TYRO3: variants seen among roughly 807,000 people sequenced by gnomAD.
The protein encoded by TYRO3 is tyrosine-protein kinase receptor TYRO3.
TYRO3 carries 38 observed loss-of-function variants against 95.2 expected under a neutral mutation model. The observed-to-expected ratio is 0.40, with a 90% CI of 0.31 to 0.52. The LOEUF (loss-of-function observed/expected upper bound fraction) is 0.52, where lower values mean the gene tolerates loss of function less well. Among genes scored for constraint, TYRO3 ranks in the 20% least tolerant of loss-of-function variants. TYRO3 has a pLI of 0.56. For missense variants in TYRO3, 812 were observed against 1,116.4 expected, an observed-to-expected ratio of 0.73 and a Z score of 3.89; for synonymous variants, 367 against 432.9, an observed-to-expected ratio of 0.85 and a Z score of 1.89.
At position 41,570,776 on chromosome 15, in the gene TYRO3, G is replaced by A. The variant is rs766330823; in HGVS notation, c.1579+77G>A. On this transcript the variant is annotated intron_variant, in intron 12 of 18. Coordinates refer to ENST00000263798, the MANE Select transcript of TYRO3 (RefSeq NM_006293.4). ...TGTTTGGTTGCCCCTGTCACTTTGA[G>A]GCTGTGGGTTTGGGTCGGTTGCCGT... 1,407 of 1,440,798 alleles carry A rather than the reference G, an allele frequency of 9.8e-4. No homozygotes were observed. The highest frequency in any genetic ancestry group is 1.2e-3 in the Non-Finnish European group (1,249 of 1,024,758). 89.3% of individuals were successfully genotyped at this position (1,440,798 alleles called of 1,614,324 possible). A position where few individuals can be genotyped will look rare whatever the true frequency, so the allele number is the denominator to read the frequency against.
intron 12 of TYRO3, 38 bp downstream of exon 12, chr15:41,570,737 G>T (rs765219627): frequency 7.4e-7 from 1 of 1,351,468 alleles, no homozygotes; most frequent in Non-Finnish European, 1.1e-6. Flanking sequence ...TGGCTGGTTT[G>T]CTGTAGCTGG....
chr15:41,566,382 C>T lies in TYRO3; in HGVS notation c.784-978C>T, dbSNP rs113239018. Among the ~76,000 whole-genome samples the T allele has an allele frequency of 2.0e-3, 306 of 151,620 alleles. 1 individual carries two copies. Among genetic ancestry groups the T allele is most frequent in the African/African-American group, 6.7e-3 (275 of 41,296 alleles). ...CTACTCTGGCCCTCCTTTGGCCACA[C>T]CCCTTTCCCCGGGGCAAAGAGCCTA... On this transcript the variant is annotated intron_variant, in intron 6 of 18. Coordinates refer to ENST00000263798, the MANE Select transcript of TYRO3 (RefSeq NM_006293.4).
intron 12 of TYRO3, 126 bp from the exon 13 acceptor site, chr15:41,570,912 G>C: frequency 9.0e-7 from 1 of 1,105,476 alleles, no homozygotes; most frequent in Non-Finnish European, 1.4e-6. Flanking sequence ...TTGGCTACTG[G>C]CAAGGGTGCC....
intron 3 of TYRO3, chr15:41,561,909 G>A: frequency 5.8e-6 from 2 of 343,152 alleles, no homozygotes; most frequent in South Asian, 2.8e-5. Flanking sequence ...GCATCCATCT[G>A]GGACTGGACC....
chr15:41,572,343 C>A, intron 14 of TYRO3, 100 bp from the exon 15 acceptor site: 1 of 1,492,332 alleles, frequency 6.7e-7, no homozygotes, highest in Non-Finnish European at 9.0e-7. Context: ...AATAGCAGAG[C>A]CAGAGCTAGA....
chr15:41,564,528 A>T (rs1042712824), intron 5 of TYRO3, among the ~76,000 whole-genome samples: 2 of 152,038 alleles, frequency 1.3e-5, no homozygotes, highest in African/African-American at 4.8e-5. Flanking sequence ...GGAAGGAGGG[A>T]GGGAGGCAGC....
chr15:41,571,055 C>T lies in TYRO3; in HGVS notation c.1597C>T (p.Arg533Trp), dbSNP rs909036764. Residue 533 changes from arginine (R) to tryptophan (W), a missense_variant, in exon 13 of 19, where the codon CGG becomes TGG. Transcript: ENST00000263798. ...GTTCCTAGGAGAGTTTGGTTCAGTG[C>T]GGGAGGCCCAGCTGAAGCAAGAGGA... ...MLGKGEFGSV[R>W]EAQLKQEDGS... 5.6e-6 allele frequency: 9 copies of T among 1,613,928 alleles called. No individual in the cohort carries two copies. Among genetic ancestry groups the T allele is most frequent in the East Asian group, 2.2e-5 (1 of 44,864 alleles).
At chr15:41,572,880 C>A in intron 15 of TYRO3, 122 bp from the exon 16 acceptor site, 1 of 832,438 alleles carries the variant, frequency 1.2e-6, no homozygotes, top group South Asian at 1.8e-5. Flanking sequence ...GGCCCTCCAT[C>A]CCCTTCCTTC....
chr15:41,559,333 C>T lies in TYRO3; in HGVS notation c.76C>T (p.Leu26=). The T allele has an allele frequency of 8.4e-6, 3 of 356,092 alleles. No homozygotes were observed. The East Asian group carries it at 1.3e-4, about 15-fold the overall frequency. The allele number at this position is 356,092 out of a possible 1,614,324, so 22.1% of individuals were successfully genotyped here. Residue 26 remains leucine (L), a synonymous_variant, in exon 1 of 19, where the codon CTG becomes TTG. Coordinates refer to ENST00000263798, the MANE Select transcript of TYRO3 (RefSeq NM_006293.4). ...PLPPPPRLGL[L]LAALASLLLP... ...GCCGCCGCCACCGCGGCTCGGGCTG[C>T]TGCTGGCGGCTCTGGCTTCTCTGCT... is the stretch of plus-strand genomic sequence containing the variant.
chr15:41,581,713 A>C lies in TYRO3; in HGVS notation c.*3437A>C, dbSNP rs544817068. Reference sequence around the variant, plus strand: ...AGTGGTGGCAGGCACCTGTAATCCCAGCTACTTGGGAGGCTAAGGCAGGAG... The same window carrying C: ...AGTGGTGGCAGGCACCTGTAATCCCCGCTACTTGGGAGGCTAAGGCAGGAG... On this transcript the variant is annotated 3_prime_UTR_variant, in exon 19 of 19. Coordinates refer to ENST00000263798, the MANE Select transcript of TYRO3 (RefSeq NM_006293.4). The C allele has an allele frequency of 7.5e-4, 114 of 151,608 alleles. No homozygotes were observed. Among genetic ancestry groups the C allele is most frequent in the Non-Finnish European group, 1.4e-3 (95 of 68,022 alleles). The allele number at this position is 151,608 out of a possible 1,614,324, so 9.4% of individuals were successfully genotyped here.
intron 17 of TYRO3, 65 bp from the exon 18 acceptor site, chr15:41,573,614 A>G: frequency 6.9e-7 from 1 of 1,450,816 alleles, no homozygotes; most frequent in Non-Finnish European, 9.4e-7. Flanking sequence ...TCTCAGAGCC[A>G]TGGCTCTCTG....
chr15:41,567,302 C>G, intron 6 of TYRO3, 58 bp from the exon 7 acceptor site: 1 of 1,383,354 alleles, frequency 7.2e-7, no homozygotes, highest in Non-Finnish European at 9.4e-7. Flanking sequence ...TATACCCATC[C>G]CATCTTCCAT....
At chr15:41,575,833 G>T (rs2055852575) in intron 18 of TYRO3, among the ~76,000 whole-genome samples, 1 of 152,164 alleles carries the variant, frequency 6.6e-6, no homozygotes, top group Non-Finnish European at 1.5e-5. Flanking sequence ...AAGCATTCCT[G>T]GCAGGGGACG....
chr15:41,566,664 T>G (rs938198831), intron 6 of TYRO3, among the ~76,000 whole-genome samples: 2 of 152,230 alleles, frequency 1.3e-5, no homozygotes, highest in African/African-American at 4.8e-5. Flanking sequence ...CCTGTGCACA[T>G]GAGGCCCCTC....
chr15:41,568,199 T>C lies in TYRO3; in HGVS notation c.962-18T>C. 1 of 1,611,624 alleles carries C rather than the reference T, an allele frequency of 6.2e-7. No homozygotes were observed. The highest frequency in any genetic ancestry group is 1.1e-5 in the South Asian group (1 of 90,974). On this transcript the variant is annotated intron_variant, in intron 7 of 18. Coordinates refer to ENST00000263798, the MANE Select transcript of TYRO3 (RefSeq NM_006293.4). ...GGGAAGGGCAGGGGTCTTAGCAATC[T>C]TCTCTCTTTGGCTGCAGCCCCAGCC... is the stretch of plus-strand genomic sequence containing the variant.
In TYRO3 at chr15:41,560,004, C is replaced by G. The variant is rs112904594; in HGVS notation, c.124+623C>G. Among the ~76,000 whole-genome samples, 308 of 152,334 alleles carry G rather than the reference C, an allele frequency of 2.0e-3. 1 individual carries two copies. Among genetic ancestry groups the G allele is most frequent in the African/African-American group, 6.8e-3 (282 of 41,574 alleles). ...TTGCTGGTGACAAGAGCGTTCCATGCAGCACGGTGCTCTCCAAGTTCCCAC... is the reference window on the plus strand; with the variant it reads ...TTGCTGGTGACAAGAGCGTTCCATGGAGCACGGTGCTCTCCAAGTTCCCAC... On this transcript the variant is annotated intron_variant, in intron 1 of 18. Transcript: ENST00000263798.
chr15:41,575,674 C>G (rs557335747), intron 18 of TYRO3, among the ~76,000 whole-genome samples: 7 of 152,182 alleles, frequency 4.6e-5, no homozygotes, highest in Non-Finnish European at 1.0e-4. Flanking sequence ...GCAAGAGAGT[C>G]AGGCATTTGC....
In TYRO3 at chr15:41,565,136, G is replaced by A; in HGVS notation, c.778G>A (p.Val260Ile). 1 of 1,606,030 alleles carries A rather than the reference G, an allele frequency of 6.2e-7. No individual in the cohort carries two copies. Among genetic ancestry groups the A allele is most frequent in the Non-Finnish European group, 8.5e-7 (1 of 1,174,158 alleles). Residue 260 changes from valine to isoleucine, a missense_variant, in exon 6 of 19, where the codon GTT becomes ATT. Coordinates refer to ENST00000263798, the MANE Select transcript of TYRO3 (RefSeq NM_006293.4). Reference protein sequence around the residue: ...DGRALLQSCTVQVTQAPGGWE... With the variant: ...DGRALLQSCTIQVTQAPGGWE... ...CCGAGCTCTGCTACAGTCCTGTACA[G>A]TTCAGGTAGGCTCTCCGGGCCGGGC...
chr15:41,580,650 G>A lies in TYRO3; in HGVS notation c.*2374G>A, dbSNP rs1320653146. ...TATTTTTTTTTTTTTTTGAGACGGA[G>A]TCTCGAGTCTCTCTCTGTCGCCCAG... On this transcript the variant is annotated 3_prime_UTR_variant, in exon 19 of 19. Coordinates refer to ENST00000263798, the MANE Select transcript of TYRO3 (RefSeq NM_006293.4). 2 of 148,444 alleles carry A rather than the reference G, an allele frequency of 1.3e-5. No homozygotes were observed. Among genetic ancestry groups the A allele is most frequent in the African/African-American group, 5.0e-5 (2 of 39,942 alleles). 9.2% of individuals were successfully genotyped at this position (148,444 alleles called of 1,614,324 possible).
Sources: gnomAD v4.1 joint callset for allele counts (sites outside exome capture counted in the v4.1 genomes callset) on GRCh38, gnomAD v4.1.1 for gene constraint, MANE v1.5 for transcripts, NCBI Gene and HGNC (gene_info 2026-07-23, HGNC 2026-07-21) for gene names.